SLC35F3: variants seen among roughly 807,000 people sequenced by gnomAD.
The protein encoded by SLC35F3 is putative thiamine transporter SLC35F3.
Under a neutral mutation model 49.9 loss-of-function variants are expected in SLC35F3, and 25 were observed. The observed-to-expected ratio is 0.50, with a 90% CI of 0.37 to 0.70. The LOEUF (loss-of-function observed/expected upper bound fraction) is 0.70. SLC35F3 is among the 30% of genes least tolerant of loss of function. The pLI is 0.00. For missense variants in SLC35F3, 525 were observed against 639.8 expected (o/e 0.82, Z 1.94); for synonymous variants, 275 against 265.4 (o/e 1.04, Z -0.35).
intron 2 of SLC35F3, among the ~76,000 whole-genome samples, chr1:234,041,401 T>C (rs1302429431): frequency 6.6e-6 from 1 of 152,156 alleles, no homozygotes; most frequent in African/African-American, 2.4e-5. Context: ...TTTCCAGACC[T>C]GAAATTGATA....
chr1:234,238,549 A>C (rs1420317914), intron 3 of SLC35F3, among the ~76,000 whole-genome samples: 1 of 152,164 alleles, frequency 6.6e-6, no homozygotes, highest in East Asian at 1.9e-4. Flanking sequence ...CACTCCATAT[A>C]GTCTTCCCTT....
At chr1:233,948,693 C>T (rs544520658) in intron 2 of SLC35F3, among the ~76,000 whole-genome samples, 16 of 151,940 alleles carry the variant, frequency 1.1e-4, no homozygotes, top group Middle Eastern at 3.4e-3. Context: ...GGTATATCTC[C>T]CAATGCCATC....
At chr1:233,949,241 A>T (rs986826139) in intron 2 of SLC35F3, among the ~76,000 whole-genome samples, 3 of 151,836 alleles carry the variant, frequency 2.0e-5, no homozygotes, top group African/African-American at 7.3e-5. Context: ...CCCTTTTCTC[A>T]TGTCAGCCTC....
At chr1:234,203,930 C>A (rs1369185874) in intron 2 of SLC35F3, among the ~76,000 whole-genome samples, 3 of 152,116 alleles carry the variant, frequency 2.0e-5, no homozygotes, top group Non-Finnish European at 2.9e-5. Context: ...CATACGTACA[C>A]ACATATGTTG....
At chr1:234,187,097 G>A (rs1364562196) in intron 2 of SLC35F3, among the ~76,000 whole-genome samples, 2 of 152,114 alleles carry the variant, frequency 1.3e-5, no homozygotes, top group African/African-American at 4.8e-5. Context: ...ATCAGGAAGG[G>A]GAAATTGATG....
rs1026589724 is a variant in SLC35F3, at chr1:234,104,912, C to T, written c.284-126505C>T. On this transcript the variant is annotated intron_variant, in intron 2 of 7. Transcript: ENST00000366618. ...TTGGGAGGCCGAGGCAGGCGGATCA[C>T]GGGGTCAGGTGTTTGAGACCAGCCT... 5.3e-5 allele frequency among the ~76,000 whole-genome samples: 8 copies of T among 152,068 alleles called. No homozygotes were observed. The South Asian group carries it at 8.3e-4, about 16-fold the overall frequency.
intron 3 of SLC35F3, among the ~76,000 whole-genome samples, chr1:234,249,032 A>T (rs1667692954): frequency 6.6e-6 from 1 of 152,126 alleles, no homozygotes; most frequent in African/African-American, 2.4e-5. Context: ...TAGGGAATGC[A>T]CCCCAGGAAG....
intron 2 of SLC35F3, among the ~76,000 whole-genome samples, chr1:234,042,252 A>G (rs1664232433): frequency 6.6e-6 from 1 of 151,286 alleles, no homozygotes; most frequent in African/African-American, 2.5e-5. Flanking sequence ...ATCAGAATTA[A>G]TATTTCATAT....
intron 3 of SLC35F3, among the ~76,000 whole-genome samples, chr1:234,288,353 AT>A (rs1668456104): frequency 6.6e-6 from 1 of 152,218 alleles, no homozygotes; most frequent in African/African-American, 2.4e-5. Flanking sequence ...AATCTATAAA[AT>A]CTATATAAAT....
intron 2 of SLC35F3, among the ~76,000 whole-genome samples, chr1:234,108,247 A>T (rs970222795): frequency 2.7e-4 from 24 of 89,012 alleles, no homozygotes; most frequent in South Asian, 6.3e-4. Flanking sequence ...TATATATAAA[A>T]GATATATATA....
chr1:234,217,034 G>A (rs897420302), intron 2 of SLC35F3, among the ~76,000 whole-genome samples: 1 of 152,128 alleles, frequency 6.6e-6, no homozygotes, highest in Non-Finnish European at 1.5e-5. Flanking sequence ...CATCTTATGT[G>A]CTGGTTTTGG....
At chr1:234,096,885 C>CTTTTTTTTTTTTTTTTTTTTT (rs34404610) in intron 2 of SLC35F3, among the ~76,000 whole-genome samples, 4 of 132,106 alleles carry the variant, frequency 3.0e-5, no homozygotes, top group Non-Finnish European at 3.2e-5. Flanking sequence ...TTGTTAAATT[C>CTTTTTTTTTTTTTTTTTTTTT]TTTTTTTTTT....
At chr1:234,241,991 A>T (rs188765576) in intron 3 of SLC35F3, among the ~76,000 whole-genome samples, 7 of 152,352 alleles carry the variant, frequency 4.6e-5, no homozygotes, top group Admixed American at 3.3e-4. Flanking sequence ...TAATTGAGCC[A>T]CAGGGTAAAG....
At chr1:234,012,514 C>G (rs552192846) in intron 2 of SLC35F3, among the ~76,000 whole-genome samples, 5 of 152,196 alleles carry the variant, frequency 3.3e-5, no homozygotes. Context: ...TGCGGCTTTC[C>G]GCAGTGCATT....
intron 2 of SLC35F3, among the ~76,000 whole-genome samples, chr1:234,041,226 G>A (rs372685329): frequency 1.3e-5 from 2 of 152,138 alleles, no homozygotes; most frequent in African/African-American, 4.8e-5. Context: ...AACACATTAA[G>A]TGTTTGTTTC....
chr1:234,114,816 TTA>T (rs1665460605), intron 2 of SLC35F3, among the ~76,000 whole-genome samples: 1 of 152,198 alleles, frequency 6.6e-6, no homozygotes, highest in African/African-American at 2.4e-5. Flanking sequence ...ATGGCTTCCT[TTA>T]TTTCAAAACA....
At position 233,944,707 on chromosome 1, in the gene SLC35F3, G is replaced by A. The variant is rs140097629; in HGVS notation, c.283+38949G>A. ...AGGATAAATGTTTCTGGTATGAAAG[G>A]GTTGGATTTTGTTGCTAACAGCAGA... On this transcript the variant is annotated intron_variant, in intron 2 of 7. Coordinates refer to ENST00000366618, the MANE Select transcript of SLC35F3 (RefSeq NM_173508.4). Among the ~76,000 whole-genome samples, 260 of 152,250 alleles carry A rather than the reference G, an allele frequency of 1.7e-3. 1 individual carries two copies. The highest frequency in any genetic ancestry group is 6.1e-3 in the African/African-American group (253 of 41,540).
At chr1:234,054,967 C>T (rs1387430557) in intron 2 of SLC35F3, among the ~76,000 whole-genome samples, 2 of 152,124 alleles carry the variant, frequency 1.3e-5, no homozygotes, top group African/African-American at 4.8e-5. Context: ...GCAAATATTG[C>T]AGAACGGCAA....
At chr1:234,014,202 G>A (rs1332332849) in intron 2 of SLC35F3, among the ~76,000 whole-genome samples, 1 of 152,132 alleles carries the variant, frequency 6.6e-6, no homozygotes. Flanking sequence ...ATCCATAAAT[G>A]TGATGCACCA....
Sources: allele counts gnomAD v4.1 joint callset (sites outside exome capture counted in the v4.1 genomes callset), GRCh38; gene constraint gnomAD v4.1.1; transcripts MANE v1.5; gene names NCBI Gene and HGNC (gene_info 2026-07-23, HGNC 2026-07-21).